The following MED26 variants were observed in gnomAD, a reference collection of about 807,000 sequenced individuals.
The protein encoded by MED26 is mediator of RNA polymerase II transcription subunit 26.
A neutral mutation model predicts 43.7 loss-of-function variants in MED26; 7 were observed. The observed-to-expected ratio is 0.16, with a 90% confidence interval of 0.09 to 0.30. MED26 has a LOEUF of 0.30. Ranked by LOEUF, MED26 falls within the 10% of genes least tolerant of loss-of-function variation. The pLI, the probability that MED26 is intolerant of heterozygous loss-of-function variation, is 1.00. For synonymous variants in MED26, 375 were observed against 371.1 expected (o/e 1.01, Z -0.12); for missense variants, 784 against 840.6 (o/e 0.93, Z 0.83).
chr19:16,578,501 A>C (rs1599329911), intron 1 of MED26, 92 bp from the exon 2 acceptor site: 1 of 1,199,102 alleles, frequency 8.3e-7, no homozygotes, highest in Non-Finnish European at 1.2e-6. Flanking sequence ...TCTCTCCCCA[A>C]CCCCAGAGCA....
chr19:16,596,815 G>A (rs2086122025), intron 1 of MED26, among the ~76,000 whole-genome samples: 1 of 152,180 alleles, frequency 6.6e-6, no homozygotes. Context: ...GGCCCTGGAC[G>A]GGGTTCCACA....
At chr19:16,578,254 A>C in intron 2 of MED26, 81 bp downstream of exon 2, 1 of 1,294,500 alleles carries the variant, frequency 7.7e-7, no homozygotes. Context: ...TGATGCTCCC[A>C]GAAGCTGCGG....
intron 1 of MED26, among the ~76,000 whole-genome samples, chr19:16,597,239 G>A (rs2086124527): frequency 6.6e-6 from 1 of 152,182 alleles, no homozygotes; most frequent in South Asian, 2.1e-4. Context: ...AGCACTGCCA[G>A]CTGACAATAA....
At chr19:16,592,197 G>A (rs1188830810) in intron 1 of MED26, among the ~76,000 whole-genome samples, 10 of 152,214 alleles carry the variant, frequency 6.6e-5, no homozygotes, top group Admixed American at 6.5e-4. Context: ...GCTTTCCAGA[G>A]TCCCTCCCAG....
chr19:16,620,309 A>G (rs2086246038), intron 1 of MED26, among the ~76,000 whole-genome samples: 1 of 152,178 alleles, frequency 6.6e-6, no homozygotes, highest in Non-Finnish European at 1.5e-5. Flanking sequence ...GCCTCATCCC[A>G]TCTAGCCTCC....
chr19:16,599,403 A>T (rs1352907661), intron 1 of MED26, among the ~76,000 whole-genome samples: 1 of 152,108 alleles, frequency 6.6e-6, no homozygotes, highest in Non-Finnish European at 1.5e-5. Flanking sequence ...CATCCTAAAC[A>T]AATGTCACGC....
Position 16,575,470 on chromosome 19 carries a change from C to T in MED26, c.*557G>A, listed in dbSNP as rs2085988634. 1 of 153,308 alleles carries T rather than the reference C, an allele frequency of 6.5e-6. No homozygotes were observed. The highest frequency in any genetic ancestry group is 1.5e-5 in the Non-Finnish European group (1 of 68,610). The allele number at this position is 153,308 out of a possible 1,614,324, so 9.5% of individuals were successfully genotyped here. A position where few individuals can be genotyped will look rare whatever the true frequency, so the allele number is the denominator to read the frequency against. On this transcript the variant is annotated 3_prime_UTR_variant, in exon 3 of 3. Transcript: ENST00000263390. Reference sequence around the variant, plus strand: ...CCTGCCCAATGCCAGTGGCTCACCACAGCTGAGAAGCTTCTGGCACATGAC... The same window carrying T: ...CCTGCCCAATGCCAGTGGCTCACCATAGCTGAGAAGCTTCTGGCACATGAC...
intron 1 of MED26, among the ~76,000 whole-genome samples, chr19:16,620,641 A>C (rs1275030681): frequency 6.6e-6 from 1 of 152,224 alleles, no homozygotes; most frequent in African/African-American, 2.4e-5. Flanking sequence ...ATAAGGTGTT[A>C]AAATGATGAA....
intron 1 of MED26, chr19:16,578,804 T>G (rs568607311): frequency 9.0e-4 from 187 of 207,138 alleles, no homozygotes; most frequent in African/African-American, 4.2e-3. Context: ...CCACAAAGCT[T>G]AAAAGATCAA....
chr19:16,627,465 CG>C (rs1299137677), intron 1 of MED26, among the ~76,000 whole-genome samples: 1 of 152,240 alleles, frequency 6.6e-6, no homozygotes, highest in Non-Finnish European at 1.5e-5. Flanking sequence ...AGTCATACCC[CG>C]GACACCAGTT....
chr19:16,604,777 G>A (rs997492997), intron 1 of MED26, among the ~76,000 whole-genome samples: 1 of 152,210 alleles, frequency 6.6e-6, no homozygotes, highest in African/African-American at 2.4e-5. Flanking sequence ...GCTACAGGGG[G>A]CAGGGAATGG....
rs780847164 is a variant in MED26, at chr19:16,627,863, G to C, written c.72+9C>G. 30 of 1,486,460 alleles carry C rather than the reference G, an allele frequency of 2.0e-5. No homozygotes were observed. The Admixed American group carries it at 2.6e-4, about 13-fold the overall frequency. The allele number at this position is 1,486,460 out of a possible 1,614,324, so 92.1% of individuals were successfully genotyped here. A position where few individuals can be genotyped will look rare whatever the true frequency, so the allele number is the denominator to read the frequency against. ...GGCCTCCGTCCCAGCTCGCGCGGCG[G>C]GTACTTACGTTGCTCTGGGGGTCGA... On this transcript the variant is annotated intron_variant, in intron 1 of 2. Transcript: ENST00000263390.
At chr19:16,598,953 C>G (rs969164649) in intron 1 of MED26, among the ~76,000 whole-genome samples, 12 of 152,170 alleles carry the variant, frequency 7.9e-5, no homozygotes, top group Admixed American at 7.2e-4. Flanking sequence ...GGGGAAACAA[C>G]TGAAATCAAG....
At chr19:16,584,229 G>A (rs1465042248) in intron 1 of MED26, among the ~76,000 whole-genome samples, 2 of 150,960 alleles carry the variant, frequency 1.3e-5, no homozygotes, top group East Asian at 1.9e-4. Context: ...CTCCAGCCTC[G>A]GTGACAGAGC....
chr19:16,580,419 A>G (rs956682782), intron 1 of MED26, among the ~76,000 whole-genome samples: 2 of 151,518 alleles, frequency 1.3e-5, no homozygotes, highest in African/African-American at 4.9e-5. Context: ...CCCAGGCTGG[A>G]GTGCAATGGC....
intron 1 of MED26, among the ~76,000 whole-genome samples, chr19:16,627,264 G>C (rs1039543532): frequency 6.6e-6 from 1 of 152,148 alleles, no homozygotes; most frequent in Non-Finnish European, 1.5e-5. Flanking sequence ...GACCCCAAGA[G>C]GGTTTTGGCA....
chr19:16,576,686 C>T lies in MED26; in HGVS notation c.1144G>A (p.Asp382Asn), dbSNP rs1275315516. The change falls in exon 3 of 3, where the codon GAT becomes AAT. Residue 382 changes from aspartate (D) to asparagine (N), a missense_variant. Asp to Asn is a conservative substitution (Grantham distance 23, BLOSUM62 1). Transcript: ENST00000263390. This position sits in a 1 kb window ranked among gnomAD's most constrained non-coding sequence, Gnocchi z 6.8. ...FSPDSSKADS[D>N]AASSGGSDSK... is the part of the protein sequence containing the mutation. Reference sequence around the variant, plus strand: ...TCCGAGCCCCCTGAGGAGGCAGCATCACTGTCCGCCTTGGAGGAGTCTGGG... The same window carrying T: ...TCCGAGCCCCCTGAGGAGGCAGCATTACTGTCCGCCTTGGAGGAGTCTGGG... 11 of 1,613,980 alleles carry T rather than the reference C, an allele frequency of 6.8e-6. No individual in the cohort carries two copies. The highest frequency in any genetic ancestry group is 9.3e-6 in the Non-Finnish European group (11 of 1,180,026).
chr19:16,608,718 C>T (rs1414117467), intron 1 of MED26, among the ~76,000 whole-genome samples: 1 of 152,246 alleles, frequency 6.6e-6, no homozygotes, highest in Non-Finnish European at 1.5e-5. Context: ...CATTCACTCA[C>T]ATACTGTCTC....
In MED26 at chr19:16,574,921, G is replaced by GTT. The variant is rs58343988; in HGVS notation, c.*1104_*1105dup. 7.7e-5 allele frequency: 11 copies of GTT among 142,062 alleles called. No individual in the cohort carries two copies. The highest frequency in any genetic ancestry group is 6.2e-5 in the Non-Finnish European group (4 of 64,348). 8.8% of individuals were successfully genotyped at this position (142,062 alleles called of 1,614,324 possible). A position where few individuals can be genotyped will look rare whatever the true frequency, so the allele number is the denominator to read the frequency against. On this transcript the variant is annotated 3_prime_UTR_variant, in exon 3 of 3. Coordinates refer to ENST00000263390, the MANE Select transcript of MED26 (RefSeq NM_004831.5). ...ATTCTCAGACTGGTTTGTGCAAATG[G>GTT]TTTTTTTTTTTTTTTTATTTCCACA...
Sources: gnomAD v4.1 joint callset for allele counts (sites outside exome capture counted in the v4.1 genomes callset) on GRCh38, gnomAD v4.1.1 for gene constraint, Gnocchi (gnomAD v3.1) non-coding constraint, MANE v1.5 for transcripts, NCBI Gene and HGNC (gene_info 2026-07-23, HGNC 2026-07-21) for gene names.